Variants in DCC observed in about 807,000 individuals in gnomAD.
DCC encodes netrin receptor DCC.
In DCC, 58 loss-of-function variants were observed where a neutral mutation model predicts 172.5. The observed-to-expected ratio is 0.34, with a 90% CI of 0.27 to 0.42. The LOEUF (loss-of-function observed/expected upper bound fraction) is 0.42, where lower values mean the gene tolerates loss of function less well. Among genes scored for constraint, DCC ranks in the 10% least tolerant of loss-of-function variants. The pLI is 1.00. For synonymous variants in DCC, 709 were observed against 644.5 expected (o/e 1.10, Z -1.52); for missense variants, 1,740 against 1,791.0 (o/e 0.97, Z 0.51).
intron 14 of DCC, among the ~76,000 whole-genome samples, chr18:53,338,488 G>A (rs895199769): frequency 6.6e-6 from 1 of 152,166 alleles, no homozygotes; most frequent in South Asian, 2.1e-4. Flanking sequence ...TGTAATCTCA[G>A]CCACTTGGGA....
chr18:52,984,900 C>T (rs1189178799), intron 5 of DCC, among the ~76,000 whole-genome samples: 1 of 152,040 alleles, frequency 6.6e-6, no homozygotes, highest in East Asian at 1.9e-4. Context: ...CTATGACTTT[C>T]CATTTTGCTT....
chr18:52,590,276 A>G (rs1008054181), intron 1 of DCC, among the ~76,000 whole-genome samples: 3 of 152,050 alleles, frequency 2.0e-5, no homozygotes, highest in Non-Finnish European at 4.4e-5. Flanking sequence ...AGATCTAAGG[A>G]CATCCAATGC....
At chr18:52,756,235 C>G (rs957296164) in intron 2 of DCC, among the ~76,000 whole-genome samples, 26 of 142,134 alleles carry the variant, frequency 1.8e-4, no homozygotes, top group Admixed American at 1.7e-3. Context: ...AGATTGAGAA[C>G]AGCTGAAGAA....
At chr18:52,408,568 T>A (rs1465083247) in intron 1 of DCC, among the ~76,000 whole-genome samples, 2 of 152,076 alleles carry the variant, frequency 1.3e-5, no homozygotes, top group Non-Finnish European at 2.9e-5. Flanking sequence ...ACCCCAGGTT[T>A]TTAGATATTT....
chr18:52,927,309 T>G (rs1230236265), intron 5 of DCC, among the ~76,000 whole-genome samples: 1 of 151,118 alleles, frequency 6.6e-6, no homozygotes, highest in Non-Finnish European at 1.5e-5. Flanking sequence ...ATACTCATAC[T>G]GGCATTTTTT....
At chr18:52,791,464 T>C (rs1388981392) in intron 2 of DCC, among the ~76,000 whole-genome samples, 4 of 149,820 alleles carry the variant, frequency 2.7e-5, no homozygotes, top group African/African-American at 9.7e-5. Flanking sequence ...TGCTGTTTTT[T>C]GTGTTTTGTT....
chr18:53,087,016 G>C (rs531325047), intron 7 of DCC, among the ~76,000 whole-genome samples: 1 of 151,772 alleles, frequency 6.6e-6, no homozygotes, highest in Non-Finnish European at 1.5e-5. Context: ...GGACATTTGC[G>C]TTGGTTCCAA....
chr18:53,412,606 A>G (rs1177284180), intron 20 of DCC, among the ~76,000 whole-genome samples: 1 of 151,942 alleles, frequency 6.6e-6, no homozygotes, highest in Non-Finnish European at 1.5e-5. Flanking sequence ...TGTTTGCCTG[A>G]GACAAAGGCT....
chr18:52,377,345 T>G (rs896307516), intron 1 of DCC, among the ~76,000 whole-genome samples: 1 of 152,188 alleles, frequency 6.6e-6, no homozygotes, highest in Admixed American at 6.5e-5. Flanking sequence ...ACAAGTAAAG[T>G]GCACATCAGC....
At chr18:53,519,931 T>C (rs1205004816) in intron 27 of DCC, among the ~76,000 whole-genome samples, 1 of 152,118 alleles carries the variant, frequency 6.6e-6, no homozygotes, top group East Asian at 1.9e-4. Flanking sequence ...ATAATTTCTA[T>C]TAGTTCTTGG....
At chr18:53,376,363 G>A (rs574895596) in intron 15 of DCC, among the ~76,000 whole-genome samples, 9 of 152,202 alleles carry the variant, frequency 5.9e-5, no homozygotes, top group East Asian at 3.9e-4. Flanking sequence ...TAGCCCCGGC[G>A]AGTGAGCAAA....
At chr18:52,736,674 A>C (rs1294488984) in intron 1 of DCC, among the ~76,000 whole-genome samples, 1 of 152,210 alleles carries the variant, frequency 6.6e-6, no homozygotes, top group Non-Finnish European at 1.5e-5. Context: ...ATCCTAGTAC[A>C]TATTATACAA....
At chr18:52,384,487 A>G (rs1985712461) in intron 1 of DCC, among the ~76,000 whole-genome samples, 1 of 152,170 alleles carries the variant, frequency 6.6e-6, no homozygotes. Context: ...TGCAGTGTGG[A>G]GGAAGAGTCC....
chr18:52,722,828 A>T (rs1230497177), intron 1 of DCC, among the ~76,000 whole-genome samples: 1 of 150,952 alleles, frequency 6.6e-6, no homozygotes, highest in Non-Finnish European at 1.5e-5. Flanking sequence ...CAACTTCCTG[A>T]CTCTCCTGTC....
At chr18:52,661,796 G>T (rs1468754833) in intron 1 of DCC, among the ~76,000 whole-genome samples, 1 of 152,252 alleles carries the variant, frequency 6.6e-6, no homozygotes, top group Non-Finnish European at 1.5e-5. Flanking sequence ...GGAGAAGTCT[G>T]CTGAAAGCAG....
intron 5 of DCC, among the ~76,000 whole-genome samples, chr18:52,993,368 T>G (rs2041426553): frequency 6.6e-6 from 1 of 152,092 alleles, no homozygotes; most frequent in Admixed American, 6.6e-5. Flanking sequence ...TGGAAGAAAG[T>G]ATAGGAGGAG....
chr18:53,012,409 C>G (rs1418354459), intron 5 of DCC, among the ~76,000 whole-genome samples: 1 of 151,832 alleles, frequency 6.6e-6, no homozygotes, highest in Non-Finnish European at 1.5e-5. Flanking sequence ...TCTGAGGGAA[C>G]AAAATTAAAA....
chr18:53,450,483 T>G lies in DCC; in HGVS notation c.3230-17T>G. 3 of 1,613,660 alleles carry G rather than the reference T, an allele frequency of 1.9e-6. No homozygotes were observed. Among genetic ancestry groups the G allele is most frequent in the Non-Finnish European group, 8.5e-7 (1 of 1,179,848 alleles). ...CATCTTCCTAAACCTGAACTCCATT[T>G]TCCTGTCTTTTCCCAGAGCCGCCAA... is the stretch of plus-strand genomic sequence containing the variant. On this transcript the variant is annotated splice_polypyrimidine_tract_variant and intron_variant, in intron 22 of 28. Coordinates refer to ENST00000442544, the MANE Select transcript of DCC (RefSeq NM_005215.4).
At chr18:52,996,983 G>A (rs2041492425) in intron 5 of DCC, among the ~76,000 whole-genome samples, 1 of 151,996 alleles carries the variant, frequency 6.6e-6, no homozygotes, top group South Asian at 2.1e-4. Flanking sequence ...CTTGATACAA[G>A]TCTCAGACTC....
Sources: allele counts gnomAD v4.1 joint callset (sites outside exome capture counted in the v4.1 genomes callset), GRCh38; gene constraint gnomAD v4.1.1; transcripts MANE v1.5; gene names NCBI Gene and HGNC (gene_info 2026-07-23, HGNC 2026-07-21).